PDGFD: variants seen among roughly 807,000 people sequenced by gnomAD.
PDGFD encodes platelet-derived growth factor D.
A neutral mutation model predicts 44.7 loss-of-function variants in PDGFD; 30 were observed. That is an observed-to-expected ratio of 0.67 (90% CI 0.50 to 0.91). PDGFD has a LOEUF of 0.91. PDGFD is among the 40% of genes least tolerant of loss of function. The pLI is 0.00. For synonymous variants in PDGFD, 173 were observed against 168.4 expected (o/e 1.03, Z -0.21); for missense variants, 445 against 457.8 (o/e 0.97, Z 0.25).
At chr11:104,103,679 C>A (rs1221506315) in intron 1 of PDGFD, among the ~76,000 whole-genome samples, 1 of 151,814 alleles carries the variant, frequency 6.6e-6, no homozygotes, top group East Asian at 1.9e-4. Flanking sequence ...AAAGATACTG[C>A]AGCCATCCTA....
chr11:104,065,905 A>G (rs2134417400), intron 1 of PDGFD, among the ~76,000 whole-genome samples: 2 of 152,354 alleles, frequency 1.3e-5, no homozygotes, highest in Admixed American at 1.3e-4. Context: ...TGGCATGAGG[A>G]AAATAAATTG....
chr11:104,070,069 T>C (rs1011153544), intron 1 of PDGFD, among the ~76,000 whole-genome samples: 1 of 152,202 alleles, frequency 6.6e-6, no homozygotes, highest in African/African-American at 2.4e-5. Context: ...CCCATCATTC[T>C]TTGAAGATAT....
At chr11:103,944,259 T>C (rs112448765) in intron 4 of PDGFD, among the ~76,000 whole-genome samples, 2,897 of 152,290 alleles carry the variant, frequency 0.019, 42 homozygotes, top group Middle Eastern at 0.031. Context: ...ATGGGGAACA[T>C]ATTTTTTTAA....
At chr11:103,989,559 T>C (rs868015236) in intron 3 of PDGFD, among the ~76,000 whole-genome samples, 9 of 152,168 alleles carry the variant, frequency 5.9e-5, no homozygotes, top group Admixed American at 5.2e-4. Flanking sequence ...ATAGAGTTCA[T>C]GGGACAGTGA....
intron 1 of PDGFD, among the ~76,000 whole-genome samples, chr11:104,069,807 T>A (rs554784951): frequency 6.6e-6 from 1 of 152,124 alleles, no homozygotes; most frequent in African/African-American, 2.4e-5. Context: ...TTGCAGTGAG[T>A]CTAGCTCGTG....
intron 3 of PDGFD, among the ~76,000 whole-genome samples, chr11:103,951,498 C>T (rs1042205816): frequency 7.2e-5 from 11 of 152,182 alleles, no homozygotes; most frequent in African/African-American, 2.7e-4. Flanking sequence ...TTCCATTGCT[C>T]TTAGAATTTG....
intron 1 of PDGFD, among the ~76,000 whole-genome samples, chr11:104,151,425 T>C (rs1472189742): frequency 6.6e-6 from 1 of 152,160 alleles, no homozygotes; most frequent in Non-Finnish European, 1.5e-5. Flanking sequence ...TAATACAGAA[T>C]AGAATTGTTG....
intron 3 of PDGFD, among the ~76,000 whole-genome samples, chr11:103,950,395 A>C (rs977525239): frequency 3.4e-5 from 1 of 29,042 alleles, no homozygotes; most frequent in Non-Finnish European, 5.6e-5. Context: ...CTAATAATAC[A>C]AAAAAAAAAA....
At chr11:104,142,098 A>G in intron 1 of PDGFD, among the ~76,000 whole-genome samples, 1 of 152,196 alleles carries the variant, frequency 6.6e-6, no homozygotes, top group East Asian at 1.9e-4. Context: ...TATTAATGAT[A>G]ATACATACAT....
chr11:103,957,643 C>G (rs1858874118), intron 3 of PDGFD, among the ~76,000 whole-genome samples: 1 of 152,106 alleles, frequency 6.6e-6, no homozygotes, highest in Non-Finnish European at 1.5e-5. Flanking sequence ...ATAAATGGTG[C>G]TGGGAAAACT....
At chr11:103,995,164 A>G (rs1254881671) in intron 3 of PDGFD, among the ~76,000 whole-genome samples, 1 of 152,110 alleles carries the variant, frequency 6.6e-6, no homozygotes, top group African/African-American at 2.4e-5. Context: ...TACAGGCATG[A>G]GCCACCACAC....
chr11:104,155,641 G>A (rs187228807), intron 1 of PDGFD, among the ~76,000 whole-genome samples: 3 of 152,248 alleles, frequency 2.0e-5, no homozygotes, highest in African/African-American at 4.8e-5. Flanking sequence ...TCTACCATAC[G>A]ATCCTTATGA....
intron 3 of PDGFD, among the ~76,000 whole-genome samples, chr11:103,971,008 A>G (rs1859095022): frequency 1.3e-5 from 2 of 152,184 alleles, no homozygotes; most frequent in Non-Finnish European, 2.9e-5. Flanking sequence ...GACAGAGAGT[A>G]TAATGAATGA....
At chr11:104,142,856 T>C (rs968894958) in intron 1 of PDGFD, among the ~76,000 whole-genome samples, 2 of 152,200 alleles carry the variant, frequency 1.3e-5, no homozygotes, top group Admixed American at 1.3e-4. Context: ...GCTGTGGTAG[T>C]GCATGTCCGC....
At chr11:104,126,090 G>A (rs966077525) in intron 1 of PDGFD, among the ~76,000 whole-genome samples, 3 of 152,102 alleles carry the variant, frequency 2.0e-5, no homozygotes, top group Non-Finnish European at 2.9e-5. Flanking sequence ...CCTTTCATGT[G>A]GAGAGAACTC....
At chr11:104,110,755 T>C (rs1287522025) in intron 1 of PDGFD, among the ~76,000 whole-genome samples, 1 of 152,140 alleles carries the variant, frequency 6.6e-6, no homozygotes, top group Non-Finnish European at 1.5e-5. Flanking sequence ...CGTGGCTTGG[T>C]GATGGCAGCA....
chr11:103,950,745 G>A (rs1858743239), intron 3 of PDGFD, among the ~76,000 whole-genome samples: 1 of 152,110 alleles, frequency 6.6e-6, no homozygotes, highest in African/African-American at 2.4e-5. Context: ...GATAATGTGT[G>A]TATGGGGAGA....
intron 5 of PDGFD, among the ~76,000 whole-genome samples, chr11:103,934,010 A>C (rs1165462987): frequency 6.6e-6 from 1 of 152,164 alleles, no homozygotes; most frequent in African/African-American, 2.4e-5. Context: ...TAGGAGATGA[A>C]GGTCTTAAAA....
At chr11:104,149,059 ATGGTTTAAAG>A (rs1447265541) in intron 1 of PDGFD, among the ~76,000 whole-genome samples, 20 of 152,274 alleles carry the variant, frequency 1.3e-4, no homozygotes, top group African/African-American at 4.8e-4. Flanking sequence ...TTGGACAATG[ATGGTTTAAAG>A]TGGCAAGAGT....
Sources: gnomAD v4.1 joint callset for allele counts (sites outside exome capture counted in the v4.1 genomes callset) on GRCh38, gnomAD v4.1.1 for gene constraint, MANE v1.5 for transcripts, NCBI Gene and HGNC (gene_info 2026-07-23, HGNC 2026-07-21) for gene names.